The following KLC1 variants were observed in gnomAD, a reference collection of about 807,000 sequenced individuals.
KLC1 encodes kinesin 2 60/70kDa.
KLC1 carries 30 observed loss-of-function variants against 84.2 expected under a neutral mutation model. The ratio of observed to expected loss-of-function variants is 0.36; its 90% CI spans 0.27 to 0.48. The LOEUF is 0.48. KLC1 is among the 20% of genes least tolerant of loss of function. The pLI is 0.99. For synonymous variants in KLC1, 289 were observed against 293.3 expected (o/e 0.99, Z 0.15); for missense variants, 499 against 805.4 (o/e 0.62, Z 4.60).
At chr14:103,638,092 C>T (rs1479827147) in intron 1 of KLC1, among the ~76,000 whole-genome samples, 2 of 151,962 alleles carry the variant, frequency 1.3e-5, no homozygotes, top group African/African-American at 4.8e-5. Context: ...GGGGCTTCTG[C>T]GCCTGTATAT....
intron 15 of KLC1, chr14:103,697,624 A>G (rs2082664488): frequency 6.6e-6 from 1 of 152,188 alleles, no homozygotes; most frequent in Non-Finnish European, 1.5e-5. Context: ...AACTGCATCC[A>G]TTGAACATTT....
At position 103,699,411 on chromosome 14, in the gene KLC1, G is replaced by A. The variant is rs749394060; in HGVS notation, c.1849-1244G>A. ...CTCTGGAAGGCACTGCTCAGCTCAC[G>A]CAGCGTGGCCCCCAGGGACTGCAGA... is the stretch of plus-strand genomic sequence containing the variant. On this transcript the variant is annotated intron_variant, in intron 15 of 16. Coordinates refer to ENST00000334553, the MANE Select transcript of KLC1 (RefSeq NM_001394837.1). 21 of 1,612,286 alleles carry A rather than the reference G, an allele frequency of 1.3e-5. No individual in the cohort carries two copies. The Admixed American group carries it at 2.0e-4, about 15-fold the overall frequency.
At chr14:103,697,009 A>T (rs2082585765) in intron 15 of KLC1, 1 of 985,288 alleles carries the variant, frequency 1.0e-6, no homozygotes. Flanking sequence ...GGGCCGGCCG[A>T]GCTTCCAGGC....
chr14:103,669,030 A>C (rs976749831), intron 5 of KLC1, among the ~76,000 whole-genome samples: 2 of 151,862 alleles, frequency 1.3e-5, no homozygotes, highest in Non-Finnish European at 2.9e-5. Context: ...TGCCCGCCTC[A>C]GCCTCCCAAA....
chr14:103,693,104 C>T lies in KLC1; in HGVS notation c.1848+679C>T, dbSNP rs1319107250. ...GGCAGCTCGAGCTGTTGGGACTTGG[C>T]AGTCCCTGCCCCTGTGCTGGTGCTG... On this transcript the variant is annotated intron_variant, in intron 15 of 16. Transcript: ENST00000334553. The surrounding 1 kb of genome is among the most constrained non-coding windows in gnomAD (Gnocchi z 5.1). Among the ~76,000 whole-genome samples, 1 of 152,248 alleles carries T rather than the reference C, an allele frequency of 6.6e-6. No individual in the cohort carries two copies. The highest frequency in any genetic ancestry group is 1.5e-5 in the Non-Finnish European group (1 of 68,040).
At chr14:103,690,009 G>A (rs527279050) in intron 14 of KLC1, among the ~76,000 whole-genome samples, 92 of 152,054 alleles carry the variant, frequency 6.1e-4, no homozygotes, top group Non-Finnish European at 9.7e-4. Flanking sequence ...GCGAAACCCC[G>A]TCTCTACTAA....
At chr14:103,699,543 G>C (rs1431478583) in intron 15 of KLC1, 1 of 1,613,468 alleles carries the variant, frequency 6.2e-7, no homozygotes, top group Admixed American at 1.7e-5. Flanking sequence ...AGCAGTACGG[G>C]GACCTTCTTA....
chr14:103,631,926 A>T (rs2076720134), intron 1 of KLC1, among the ~76,000 whole-genome samples: 1 of 152,192 alleles, frequency 6.6e-6, no homozygotes, highest in Non-Finnish European at 1.5e-5. Context: ...GTAGCAAAGA[A>T]ATGATCAGTA....
At chr14:103,701,084 CCTCTT>C in intron 16 of KLC1, 112 bp from the exon 17 acceptor site, 1 of 1,295,534 alleles carries the variant, frequency 7.7e-7, no homozygotes, top group Non-Finnish European at 1.1e-6. Flanking sequence ...CCAGCAACAC[CCTCTT>C]CTCTAGGCAG....
chr14:103,699,699 C>A (rs1456490493), intron 15 of KLC1: 2 of 900,762 alleles, frequency 2.2e-6, no homozygotes, highest in Non-Finnish European at 3.6e-6. Flanking sequence ...CTCACAGTGC[C>A]CATACTCTGT....
intron 7 of KLC1, 56 bp downstream of exon 7, chr14:103,670,339 G>GT (rs772308065): frequency 0.2 from 166,114 of 827,626 alleles, 68 homozygotes; most frequent in South Asian, 0.23. Context: ...TGTGTGTGTG[G>GT]TTTTTTTTTT....
At chr14:103,632,008 C>T (rs1425458466) in intron 1 of KLC1, among the ~76,000 whole-genome samples, 1 of 152,154 alleles carries the variant, frequency 6.6e-6, no homozygotes, top group Non-Finnish European at 1.5e-5. Context: ...AAGTGACAAG[C>T]ACATTAAGAT....
At chr14:103,684,065 T>G (rs930097372) in intron 13 of KLC1, 1 of 152,110 alleles carries the variant, frequency 6.6e-6, no homozygotes, top group Non-Finnish European at 1.5e-5. Context: ...GTAATCCCAG[T>G]TACTCAGGAG....
chr14:103,685,739 C>T, intron 13 of KLC1: 1 of 1,288,430 alleles, frequency 7.8e-7, no homozygotes, highest in South Asian at 1.2e-5. Flanking sequence ...CTAGCAGCCT[C>T]TAGGATCTTG....
chr14:103,634,065 C>T (rs973242911), intron 1 of KLC1, among the ~76,000 whole-genome samples: 2 of 152,082 alleles, frequency 1.3e-5, no homozygotes, highest in East Asian at 1.9e-4. Context: ...GACAGGATTT[C>T]ACCATGTTGG....
At chr14:103,635,606 T>C (rs934405149) in intron 1 of KLC1, among the ~76,000 whole-genome samples, 14 of 151,924 alleles carry the variant, frequency 9.2e-5, no homozygotes, top group African/African-American at 3.1e-4. Flanking sequence ...AATATAAAAT[T>C]AGCCGCGTGT....
intron 1 of KLC1, among the ~76,000 whole-genome samples, chr14:103,637,587 C>T (rs1370237267): frequency 6.6e-6 from 1 of 151,630 alleles, no homozygotes; most frequent in African/African-American, 2.4e-5. Context: ...TTTGTTGTTG[C>T]CTAAGCAACA....
At chr14:103,632,170 G>A (rs117270643) in intron 1 of KLC1, among the ~76,000 whole-genome samples, 69 of 151,924 alleles carry the variant, frequency 4.5e-4, no homozygotes, top group African/African-American at 1.6e-3. Context: ...GCTGCAGATC[G>A]CCCCTAGCTC....
intron 13 of KLC1, chr14:103,685,710 C>T: frequency 1.6e-6 from 2 of 1,289,540 alleles, no homozygotes; most frequent in Non-Finnish European, 2.0e-6. Flanking sequence ...CCTTCTCTCT[C>T]CAGTGCTGCC....
Sources: gnomAD v4.1 joint callset for allele counts (sites outside exome capture counted in the v4.1 genomes callset) on GRCh38, gnomAD v4.1.1 for gene constraint, Gnocchi (gnomAD v3.1) non-coding constraint, MANE v1.5 for transcripts, NCBI Gene and HGNC (gene_info 2026-07-23, HGNC 2026-07-21) for gene names.